The following PDGFRA variants were observed in gnomAD, a reference collection of about 807,000 sequenced individuals.
The protein encoded by PDGFRA is platelet derived growth factor receptor alpha, also known as platelet-derived growth factor receptor alpha.
In PDGFRA, 25 loss-of-function variants were observed where a neutral mutation model predicts 121.5. The observed-to-expected ratio is 0.21, with a 90% CI of 0.15 to 0.29. PDGFRA has a LOEUF of 0.29. PDGFRA is among the 10% of genes least tolerant of loss of function. PDGFRA has a pLI of 1.00. For synonymous variants in PDGFRA, 463 were observed against 494.8 expected (o/e 0.94, Z 0.85); for missense variants, 1,008 against 1,345.1 (o/e 0.75, Z 3.92).
At chr4:54,285,016 C>T (rs192480484) in intron 16 of PDGFRA, among the ~76,000 whole-genome samples, 1 of 151,700 alleles carries the variant, frequency 6.6e-6, no homozygotes, top group East Asian at 2.0e-4. Context: ...GCCTCAGCCT[C>T]CTGAGTAGCT....
intron 21 of PDGFRA, among the ~76,000 whole-genome samples, chr4:54,289,362 TTGAG>T (rs1157618704): frequency 6.6e-6 from 1 of 152,174 alleles, no homozygotes; most frequent in Non-Finnish European, 1.5e-5. Flanking sequence ...CTCCAGATGT[TTGAG>T]TATCAGAAGT....
chr4:54,267,897 C>T (rs1254454896), intron 7 of PDGFRA, among the ~76,000 whole-genome samples, 156 bp downstream of exon 7: 1 of 152,092 alleles, frequency 6.6e-6, no homozygotes, highest in East Asian at 1.9e-4. Flanking sequence ...TTAATGATAA[C>T]ATTGCAAAGT....
intron 16 of PDGFRA, among the ~76,000 whole-genome samples, chr4:54,283,294 C>G (rs546803035): frequency 1.3e-5 from 2 of 152,138 alleles, no homozygotes; most frequent in African/African-American, 4.8e-5. Context: ...ATATATCCTC[C>G]GAAATCTAGG....
At position 54,297,099 on chromosome 4, in the gene PDGFRA, C is replaced by G. The variant is rs529949666; in HGVS notation, c.*1827C>G. ...CAGCTCAGTGTTTTGGTGGAAAAAA[C>G]ATTTTAAGTTTTACTGATAATTTGA... On this transcript the variant is annotated 3_prime_UTR_variant, in exon 23 of 23. Transcript: ENST00000257290. The G allele has an allele frequency of 4.3e-6, 1 of 233,134 alleles. No individual in the cohort carries two copies. The highest frequency in any genetic ancestry group is 2.2e-5 in the African/African-American group (1 of 45,438). The allele number at this position is 233,134 out of a possible 1,614,324, so 14.4% of individuals were successfully genotyped here. A position where few individuals can be genotyped will look rare whatever the true frequency, so the allele number is the denominator to read the frequency against.
chr4:54,279,865 T>C (rs1723970823), intron 15 of PDGFRA, among the ~76,000 whole-genome samples: 1 of 152,072 alleles, frequency 6.6e-6, no homozygotes, highest in Non-Finnish European at 1.5e-5. Context: ...TCCAGGTTGC[T>C]GCAAAAGCCA....
intron 1 of PDGFRA, among the ~76,000 whole-genome samples, chr4:54,254,667 T>C (rs1158344228): frequency 6.6e-6 from 1 of 152,150 alleles, no homozygotes; most frequent in African/African-American, 2.4e-5. Context: ...GAGGTCTCCT[T>C]TGAAGTTTGC....
chr4:54,274,855 A>T lies in PDGFRA; in HGVS notation c.1668A>T (p.Glu556Asp), dbSNP rs1553904439. The T allele has an allele frequency of 2.1e-5, 34 of 1,613,982 alleles. No homozygotes were observed. Among genetic ancestry groups the T allele is most frequent in the Non-Finnish European group, 2.6e-5 (31 of 1,180,012 alleles). ...VVIWKQKPRY[E>D]IRWRVIESIS... ...GTCATTTATAGAAACCGAGGTATGA[A>T]ATTCGCTGGAGGGTCATTGAATCAA... The change falls in exon 12 of 23, where the codon GAA becomes GAT. Residue 556 changes from glutamate (E) to aspartate (D), a missense_variant. This residue lies in a region of PDGFRA where 575 missense variants were observed against 701.8 expected (regional missense o/e 0.82). Coordinates refer to ENST00000257290, the MANE Select transcript of PDGFRA (RefSeq NM_006206.6).
intron 1 of PDGFRA, among the ~76,000 whole-genome samples, chr4:54,249,844 T>TA (rs1721950339): frequency 6.6e-6 from 1 of 152,022 alleles, no homozygotes; most frequent in African/African-American, 2.4e-5. Flanking sequence ...TTATTATTAT[T>TA]TTTGTAAGTT....
rs1553905039 is a variant in PDGFRA, at chr4:54,278,491, A to G, written c.2132A>G (p.Asn711Ser). The change falls in exon 15 of 23, where the codon AAC (asparagine) becomes AGC (serine). Residue 711 changes from asparagine (N) to serine (S), a missense_variant. Physicochemically the swap from Asn to Ser is conservative, Grantham distance 46 (BLOSUM62 1). This residue lies in a region of PDGFRA where 128 missense variants were observed against 147.6 expected (regional missense o/e 0.87). Transcript: ENST00000257290. The part of the protein sequence containing the change: ...PKKELDIFGL[N>S]PADESTRSYV... ...AAAGAGCTGGATATCTTTGGATTGA[A>G]CCCTGCTGATGAAAGCACACGGAGG... is the stretch of plus-strand genomic sequence containing the variant. 1.2e-6 allele frequency: 2 copies of G among 1,614,014 alleles called. No homozygotes were observed. Among genetic ancestry groups the G allele is most frequent in the South Asian group, 1.1e-5 (1 of 91,072 alleles).
In PDGFRA at chr4:54,264,851, A is replaced by T. The variant is rs201531369; in HGVS notation, c.629-68A>T. On this transcript the variant is annotated intron_variant, in intron 4 of 22. Coordinates refer to ENST00000257290, the MANE Select transcript of PDGFRA (RefSeq NM_006206.6). ...GGTTTTCTTAAAAAAAAAAAAAAAA[A>T]CCCAAACTTTATAAGATCCTGGCTA... is the stretch of plus-strand genomic sequence containing the variant. 4.3e-6 allele frequency: 6 copies of T among 1,387,686 alleles called. No individual in the cohort carries two copies. The East Asian group carries it at 9.3e-5, about 22-fold the overall frequency. The allele number at this position is 1,387,686 out of a possible 1,614,324, so 86.0% of individuals were successfully genotyped here.
At chr4:54,256,889 G>A (rs911888937) in intron 1 of PDGFRA, among the ~76,000 whole-genome samples, 3 of 152,034 alleles carry the variant, frequency 2.0e-5, no homozygotes, top group Non-Finnish European at 4.4e-5. Context: ...GGTGGTGCAG[G>A]CCTGTAGTCC....
At chr4:54,267,889 A>G (rs1560473565) in intron 7 of PDGFRA, 148 bp downstream of exon 7, 4 of 713,798 alleles carry the variant, frequency 5.6e-6, no homozygotes, top group Non-Finnish European at 1.0e-5. Flanking sequence ...ACATCCCTTT[A>G]ATGATAACAT....
At chr4:54,294,880 C>A (rs138047927) in intron 22 of PDGFRA, among the ~76,000 whole-genome samples, 1 of 152,116 alleles carries the variant, frequency 6.6e-6, no homozygotes, top group Non-Finnish European at 1.5e-5. Context: ...GAAATTCTTG[C>A]AGCTTGTCAG....
intron 3 of PDGFRA, among the ~76,000 whole-genome samples, chr4:54,261,931 A>ATAT (rs57094735): frequency 1.7e-3 from 101 of 58,412 alleles, no homozygotes; most frequent in Non-Finnish European, 2.9e-3. Context: ...ATATATATAT[A>ATAT]TTTTTTTTTT....
intron 15 of PDGFRA, among the ~76,000 whole-genome samples, chr4:54,279,287 G>A (rs569349415): frequency 1.3e-5 from 2 of 152,302 alleles, no homozygotes; most frequent in South Asian, 4.1e-4. Context: ...AACTGGCTCT[G>A]AAAACAAGTG....
In PDGFRA at chr4:54,280,372, ATAC is replaced by A. The variant is rs1427945043; in HGVS notation, c.2217_2219del (p.Thr740del). 6.2e-7 allele frequency: 1 copy of A among 1,612,912 alleles called. No individual in the cohort carries two copies. The highest frequency in any genetic ancestry group is 1.3e-5 in the African/African-American group (1 of 75,044). ...GACTACATGGACATGAAGCAGGCTG[ATAC>A]TACACAGTATGTCCCCATGCTAGAA... On this transcript the variant is annotated inframe_deletion, in exon 16 of 23. Coordinates refer to ENST00000257290, the MANE Select transcript of PDGFRA (RefSeq NM_006206.6).
intron 1 of PDGFRA, among the ~76,000 whole-genome samples, chr4:54,256,226 T>TTTTTA (rs890265833): frequency 3.9e-5 from 6 of 152,006 alleles, no homozygotes; most frequent in Admixed American, 2.6e-4. Context: ...CTACAGATAA[T>TTTTTA]TTTTATTTTA....
intron 1 of PDGFRA, among the ~76,000 whole-genome samples, chr4:54,246,825 C>T (rs989819665): frequency 6.7e-6 from 1 of 149,482 alleles, no homozygotes; most frequent in African/African-American, 2.5e-5. Flanking sequence ...GCTAGCAAGA[C>T]TAATAAAGAA....
intron 5 of PDGFRA, 137 bp from the exon 6 acceptor site, chr4:54,267,152 C>T (rs1159016964): frequency 2.4e-6 from 2 of 844,760 alleles, no homozygotes; most frequent in Non-Finnish European, 2.0e-6. Context: ...ACCTTGTCAA[C>T]ATCCCTACCA....
Sources: gnomAD v4.1 joint callset for allele counts (sites outside exome capture counted in the v4.1 genomes callset) on GRCh38, gnomAD v4.1.1 for gene constraint, gnomAD v4.1.1 regional missense constraint, MANE v1.5 for transcripts, NCBI Gene and HGNC (gene_info 2026-07-23, HGNC 2026-07-21) for gene names.